The following RAD23B variants were observed in gnomAD, a reference collection of about 807,000 sequenced individuals.
The protein encoded by RAD23B is lysine-specific demethylase RAD23B.
Under a neutral mutation model 49.1 loss-of-function variants are expected in RAD23B, and 5 were observed. The ratio of observed to expected loss-of-function variants is 0.10; its 90% CI spans 0.05 to 0.21. RAD23B has a LOEUF of 0.21. Among genes scored for constraint, RAD23B ranks in the 10% least tolerant of loss-of-function variants. The probability of loss-of-function intolerance (pLI) is 1.00; values close to 1 mark genes in which losing one functional copy is unlikely to be tolerated. For synonymous variants in RAD23B, 184 were observed against 165.4 expected (o/e 1.11, Z -0.86); for missense variants, 356 against 486.7 (o/e 0.73, Z 2.53).
At position 107,302,030 on chromosome 9, in the gene RAD23B, A is replaced by G. The variant is rs767555830; in HGVS notation, c.149-5A>G. 2.5e-6 allele frequency: 4 copies of G among 1,610,924 alleles called. No individual in the cohort carries two copies. Among genetic ancestry groups the G allele is most frequent in the East Asian group, 2.2e-5 (1 of 44,688 alleles). ...AAATGATTTTTTTTTCTCTTAATGT[A>G]TTAGGCAAAATCCTCAATGATGATA... is the stretch of plus-strand genomic sequence containing the variant. On this transcript the variant is annotated splice_polypyrimidine_tract_variant and splice_region_variant and intron_variant, in intron 2 of 9. Coordinates refer to ENST00000358015, the MANE Select transcript of RAD23B (RefSeq NM_002874.5).
At chr9:107,284,829 C>A in intron 1 of RAD23B, 1 of 1,228,856 alleles carries the variant, frequency 8.1e-7, no homozygotes, top group Non-Finnish European at 1.1e-6. Flanking sequence ...AACTTATTTG[C>A]TATGACCTTG....
At chr9:107,324,636 T>C (rs1286119715) in intron 8 of RAD23B, among the ~76,000 whole-genome samples, 198 bp from the exon 9 acceptor site, 1 of 152,200 alleles carries the variant, frequency 6.6e-6, no homozygotes, top group Non-Finnish European at 1.5e-5. Flanking sequence ...TTCTTCACTG[T>C]TTACTTTGCC....
intron 3 of RAD23B, among the ~76,000 whole-genome samples, chr9:107,303,044 AGAAT>A (rs1208787829): frequency 6.6e-6 from 1 of 152,318 alleles, no homozygotes; most frequent in East Asian, 1.9e-4. Context: ...TTTAAAGCAG[AGAAT>A]GAACATGGAT....
chr9:107,327,398 G>A (rs191233180), intron 9 of RAD23B, among the ~76,000 whole-genome samples: 1 of 152,136 alleles, frequency 6.6e-6, no homozygotes, highest in East Asian at 1.9e-4. Flanking sequence ...TAGCATAGAT[G>A]TTTATAGCTA....
intron 9 of RAD23B, among the ~76,000 whole-genome samples, chr9:107,329,297 CAA>C (rs1465702983): frequency 6.6e-6 from 1 of 152,104 alleles, no homozygotes; most frequent in Non-Finnish European, 1.5e-5. Context: ...TAACTAGAAA[CAA>C]AGACTTTTTT....
chr9:107,326,249 C>T (rs1257670276), intron 9 of RAD23B, among the ~76,000 whole-genome samples: 1 of 151,888 alleles, frequency 6.6e-6, no homozygotes. Flanking sequence ...GAATTATTCT[C>T]TCCTGTTGTC....
Position 107,306,469 on chromosome 9 carries a change from G to A in RAD23B, c.319G>A (p.Val107Met), listed in dbSNP as rs747257394. ...AGTTACTTCCTCCACCACCACAACT[G>A]TGGCTCAGGCTCCAACCCCTGTCCC... ...TAVTSSTTTT[V>M]AQAPTPVPAL... The change falls in exon 4 of 10, where the codon GTG becomes ATG. Residue 107 changes from valine (V) to methionine (M), a missense_variant. Val to Met is a conservative substitution (Grantham distance 21, BLOSUM62 1). Coordinates refer to ENST00000358015, the MANE Select transcript of RAD23B (RefSeq NM_002874.5). 6.2e-7 allele frequency: 1 copy of A among 1,614,140 alleles called. No homozygotes were observed. The highest frequency in any genetic ancestry group is 1.1e-5 in the South Asian group (1 of 91,080).
intron 9 of RAD23B, 103 bp from the exon 10 acceptor site, chr9:107,329,440 A>G: frequency 1.4e-6 from 1 of 692,600 alleles, no homozygotes; most frequent in South Asian, 2.3e-5. Flanking sequence ...TTTTTGAGTA[A>G]TGATTTATCT....
intron 4 of RAD23B, among the ~76,000 whole-genome samples, chr9:107,306,923 T>C (rs1564246042): frequency 4.5e-5 from 3 of 66,298 alleles, no homozygotes. Context: ...TTTTTTTTTT[T>C]TGAGTAGAAA....
intron 1 of RAD23B, among the ~76,000 whole-genome samples, chr9:107,288,445 G>GTTGTT (rs549633237): frequency 1.3e-5 from 2 of 151,976 alleles, no homozygotes; most frequent in African/African-American, 4.8e-5. Context: ...CATTTTTGTT[G>GTTGTT]TTGTTTTGTT....
chr9:107,299,192 A>G (rs917869139), intron 1 of RAD23B, among the ~76,000 whole-genome samples: 5 of 152,180 alleles, frequency 3.3e-5, no homozygotes, highest in Non-Finnish European at 5.9e-5. Context: ...TCACTTTTTA[A>G]TTGTACAAAA....
At chr9:107,296,201 A>C (rs1372847536) in intron 1 of RAD23B, among the ~76,000 whole-genome samples, 1 of 152,208 alleles carries the variant, frequency 6.6e-6, no homozygotes, top group African/African-American at 2.4e-5. Context: ...ACCTGGTTCC[A>C]AAGTCTGGTT....
chr9:107,332,144 G>A lies in RAD23B; in HGVS notation c.*2488G>A, dbSNP rs538027046. On this transcript the variant is annotated 3_prime_UTR_variant, in exon 10 of 10. Coordinates refer to ENST00000358015, the MANE Select transcript of RAD23B (RefSeq NM_002874.5). ...TCCAATATAATTTTTTCCTGTACTGGATGGCTAGGATTCTAGAGAATTGAT... is the reference window on the plus strand; with the variant it reads ...TCCAATATAATTTTTTCCTGTACTGAATGGCTAGGATTCTAGAGAATTGAT... The A allele has an allele frequency of 5.6e-6, 1 of 178,116 alleles. No individual in the cohort carries two copies. The highest frequency in any genetic ancestry group is 1.2e-5 in the Non-Finnish European group (1 of 85,796). 11.0% of individuals were successfully genotyped at this position (178,116 alleles called of 1,614,324 possible).
chr9:107,315,413 C>G (rs1826972619), intron 5 of RAD23B, among the ~76,000 whole-genome samples: 2 of 152,156 alleles, frequency 1.3e-5, no homozygotes, highest in Non-Finnish European at 2.9e-5. Flanking sequence ...CAATATTGAT[C>G]AAAGCTTATT....
rs1826662003 is a variant in RAD23B at position 107,301,904 on chromosome 9, A to G, written c.149-131A>G. On this transcript the variant is annotated intron_variant, in intron 2 of 9. Transcript: ENST00000358015. ...TTTTCTTTGGGAAAAGTATTAACTG[A>G]TAGAATTTATGTTGGTGATTCATAT... 3.1e-6 allele frequency: 4 copies of G among 1,296,444 alleles called. No individual in the cohort carries two copies. In the South Asian group the frequency reaches 5.8e-5, roughly 19 times the overall value. The allele number at this position is 1,296,444 out of a possible 1,614,324, so 80.3% of individuals were successfully genotyped here.
intron 6 of RAD23B, among the ~76,000 whole-genome samples, chr9:107,321,652 A>G (rs952108774): frequency 6.6e-6 from 1 of 152,198 alleles, no homozygotes; most frequent in East Asian, 1.9e-4. Flanking sequence ...ACATGTATCA[A>G]TATTTTTCAA....
At chr9:107,295,915 G>A (rs542524981) in intron 1 of RAD23B, among the ~76,000 whole-genome samples, 1 of 148,684 alleles carries the variant, frequency 6.7e-6, no homozygotes, top group South Asian at 2.1e-4. Context: ...TTTGATATTA[G>A]AAAGAAGGTG....
At chr9:107,287,960 A>G (rs908268086) in intron 1 of RAD23B, among the ~76,000 whole-genome samples, 5 of 152,204 alleles carry the variant, frequency 3.3e-5, no homozygotes, top group Non-Finnish European at 7.3e-5. Flanking sequence ...TGTATTTTCA[A>G]TATAGTCATG....
chr9:107,306,084 T>TATATATATAC (rs1826763503), intron 3 of RAD23B, among the ~76,000 whole-genome samples: 1 of 134,608 alleles, frequency 7.4e-6, no homozygotes, highest in African/African-American at 2.7e-5. Context: ...TATATATCTA[T>TATATATATAC]ATATATTTCA....
Sources: allele counts gnomAD v4.1 joint callset (sites outside exome capture counted in the v4.1 genomes callset), GRCh38; gene constraint gnomAD v4.1.1; transcripts MANE v1.5; gene names NCBI Gene and HGNC (gene_info 2026-07-23, HGNC 2026-07-21).